Variants in CUL5 observed in about 807,000 individuals in gnomAD.
CUL5 encodes cullin-5.
Under a neutral mutation model 108.8 loss-of-function variants are expected in CUL5, and 26 were observed. That is an observed-to-expected ratio of 0.24 (90% CI 0.18 to 0.33). The LOEUF (loss-of-function observed/expected upper bound fraction) is 0.33. Ranked by LOEUF, CUL5 falls within the 10% of genes least tolerant of loss-of-function variation. The pLI is 1.00. For synonymous variants in CUL5, 334 were observed against 298.0 expected (o/e 1.12, Z -1.25); for missense variants, 524 against 909.2 (o/e 0.58, Z 5.45).
At chr11:108,063,499 A>G (rs542098567) in intron 7 of CUL5, among the ~76,000 whole-genome samples, 16 of 152,044 alleles carry the variant, frequency 1.1e-4, no homozygotes, top group Non-Finnish European at 2.2e-4. Context: ...TAGTGCTGCA[A>G]TACATGTATA....
At chr11:108,057,712 T>C (rs1367142965) in intron 7 of CUL5, among the ~76,000 whole-genome samples, 1 of 152,134 alleles carries the variant, frequency 6.6e-6, no homozygotes, top group Non-Finnish European at 1.5e-5. Flanking sequence ...GGCTTGTGGA[T>C]AGGATCCTGG....
intron 13 of CUL5, among the ~76,000 whole-genome samples, chr11:108,092,827 AT>A (rs1010010534): frequency 6.6e-6 from 1 of 151,814 alleles, no homozygotes; most frequent in African/African-American, 2.4e-5. Flanking sequence ...TATTTTTTAT[AT>A]TTTTTTGAGA....
chr11:108,106,932 TA>T lies in CUL5; in HGVS notation c.*2551del, dbSNP rs748748871. On this transcript the variant is annotated 3_prime_UTR_variant, in exon 19 of 19. Coordinates refer to ENST00000393094, the MANE Select transcript of CUL5 (RefSeq NM_003478.6). The stretch of plus-strand genomic sequence containing the variant: ...ACCTCTGAATACCCATCTTCTAGTT[TA>T]AAGACAGAGACATCCCATCTGGAAA... 6 of 150,800 alleles carry T rather than the reference TA, an allele frequency of 4.0e-5. No homozygotes were observed. The highest frequency in any genetic ancestry group is 9.8e-5 in the African/African-American group (4 of 40,926). The allele number at this position is 150,800 out of a possible 1,614,324, so 9.3% of individuals were successfully genotyped here. A position where few individuals can be genotyped will look rare whatever the true frequency, so the allele number is the denominator to read the frequency against.
chr11:108,054,591 C>G, intron 5 of CUL5, 56 bp from the exon 6 acceptor site: 1 of 1,223,466 alleles, frequency 8.2e-7, no homozygotes. Flanking sequence ...ATTTATTATA[C>G]TCAAAATACT....
intron 10 of CUL5, among the ~76,000 whole-genome samples, chr11:108,077,804 AT>A (rs1333096003): frequency 2.0e-5 from 3 of 151,856 alleles, no homozygotes; most frequent in Non-Finnish European, 4.4e-5. Flanking sequence ...AGTTAGCCTG[AT>A]GTAGTGGTGG....
chr11:108,036,858 G>A (rs1322360478), intron 2 of CUL5, among the ~76,000 whole-genome samples: 2 of 152,144 alleles, frequency 1.3e-5, no homozygotes. Context: ...TACAGCTGCT[G>A]GGAAATCCTG....
chr11:108,010,700 C>G (rs753516104), intron 1 of CUL5, among the ~76,000 whole-genome samples: 2 of 152,134 alleles, frequency 1.3e-5, no homozygotes, highest in Non-Finnish European at 2.9e-5. Context: ...ATAACTACTC[C>G]CCCTCTTTCT....
intron 1 of CUL5, among the ~76,000 whole-genome samples, chr11:108,023,647 T>C (rs557321826): frequency 1.3e-5 from 2 of 152,212 alleles, no homozygotes; most frequent in African/African-American, 4.8e-5. Context: ...TTTTCATTTA[T>C]GTGCCCCAAT....
At position 108,072,387 on chromosome 11, in the gene CUL5, G is replaced by A; in HGVS notation, c.930G>A (p.Met310Ile). The change falls in exon 9 of 19, where the codon ATG (methionine) becomes ATA (isoleucine). Residue 310 changes from methionine (M) to isoleucine (I), a missense_variant. Around this residue, in one of 8 missense-constraint regions of CUL5, gnomAD observed 170 missense variants for 305.1 expected, o/e 0.56. Transcript: ENST00000393094. ...MDKVPNGIEP[M>I]LKDLEEHIIS... ...AAGTTCCTAATGGTATAGAGCCAAT[G>A]TTGAAAGACTTGGAGGAACATATCA... 2 of 1,612,172 alleles carry A rather than the reference G, an allele frequency of 1.2e-6. No individual in the cohort carries two copies. The highest frequency in any genetic ancestry group is 1.7e-6 in the Non-Finnish European group (2 of 1,178,544).
chr11:108,060,926 T>C (rs554676835), intron 7 of CUL5, among the ~76,000 whole-genome samples: 6 of 152,274 alleles, frequency 3.9e-5, no homozygotes, highest in African/African-American at 1.2e-4. Flanking sequence ...CAGGTACTTA[T>C]TGGAGTGCCT....
intron 1 of CUL5, among the ~76,000 whole-genome samples, chr11:108,023,609 T>A (rs1234279563): frequency 1.3e-5 from 2 of 152,356 alleles, no homozygotes; most frequent in African/African-American, 4.8e-5. Flanking sequence ...TAAGGAACAC[T>A]ATACTAGAAT....
At chr11:108,092,683 T>C (rs1864388647) in intron 13 of CUL5, among the ~76,000 whole-genome samples, 1 of 152,082 alleles carries the variant, frequency 6.6e-6, no homozygotes, top group Non-Finnish European at 1.5e-5. Flanking sequence ...GGAGGGGAAA[T>C]GACGAGTGAC....
intron 13 of CUL5, 37 bp from the exon 14 acceptor site, chr11:108,094,354 A>G: frequency 1.3e-6 from 2 of 1,491,934 alleles, no homozygotes; most frequent in South Asian, 1.3e-5. Context: ...CAGATTATGT[A>G]TTTATTACCT....
chr11:108,094,333 C>A, intron 13 of CUL5, 58 bp from the exon 14 acceptor site: 1 of 1,277,984 alleles, frequency 7.8e-7, no homozygotes, highest in Non-Finnish European at 1.1e-6. Context: ...AAATTTTTCC[C>A]AGTAATATAT....
intron 1 of CUL5, among the ~76,000 whole-genome samples, chr11:108,031,227 G>A (rs958648084): frequency 6.6e-6 from 1 of 151,920 alleles, no homozygotes; most frequent in African/African-American, 2.4e-5. Flanking sequence ...AATTAGCCAG[G>A]TGTGGTGGTG....
intron 11 of CUL5, among the ~76,000 whole-genome samples, chr11:108,082,310 C>G (rs1864108256): frequency 6.8e-6 from 1 of 147,552 alleles, no homozygotes; most frequent in Admixed American, 6.8e-5. Flanking sequence ...AAGACAGGGT[C>G]CACTGTGTCA....
intron 13 of CUL5, among the ~76,000 whole-genome samples, chr11:108,090,668 A>G (rs1351050125): frequency 6.6e-6 from 1 of 151,944 alleles, no homozygotes; most frequent in Non-Finnish European, 1.5e-5. Flanking sequence ...GATTATAACT[A>G]AATTCCCATA....
chr11:108,020,842 G>A (rs1017569870), intron 1 of CUL5, among the ~76,000 whole-genome samples: 1 of 152,168 alleles, frequency 6.6e-6, no homozygotes, highest in Non-Finnish European at 1.5e-5. Context: ...TGTTTATAAA[G>A]TGTACAGTAA....
At chr11:108,092,492 T>C (rs1864384494) in intron 13 of CUL5, among the ~76,000 whole-genome samples, 1 of 152,242 alleles carries the variant, frequency 6.6e-6, no homozygotes, top group Non-Finnish European at 1.5e-5. Context: ...GATTTATCCA[T>C]ACAATGGAAT....
Sources: allele counts gnomAD v4.1 joint callset (sites outside exome capture counted in the v4.1 genomes callset), GRCh38; gene constraint gnomAD v4.1.1; regional missense constraint gnomAD v4.1.1; transcripts MANE v1.5; gene names NCBI Gene and HGNC (gene_info 2026-07-23, HGNC 2026-07-21).